The following RBFOX1 variants were observed in gnomAD, a reference collection of about 807,000 sequenced individuals.
RBFOX1 encodes RNA binding fox-1 homolog 1, also known as RNA binding protein fox-1 homolog 1.
RBFOX1 carries 8 observed loss-of-function variants against 57.7 expected under a neutral mutation model. The ratio of observed to expected loss-of-function variants is 0.14; its 90% confidence interval spans 0.08 to 0.25. The LOEUF (loss-of-function observed/expected upper bound fraction) is 0.25. RBFOX1 is among the 10% of genes least tolerant of loss of function. RBFOX1 has a pLI of 1.00. For missense variants in RBFOX1, 611 were observed against 548.5 expected, an observed-to-expected ratio of 1.11 and a Z score of -1.14; for synonymous variants, 326 against 222.4, an observed-to-expected ratio of 1.47 and a Z score of -4.15.
chr16:6,265,814 T>C (rs1475325498), intron 1 of RBFOX1, among the ~76,000 whole-genome samples: 2 of 152,164 alleles, frequency 1.3e-5, no homozygotes, highest in African/African-American at 2.4e-5. Context: ...CTGTCTCTCT[T>C]CCTTCTGCCC....
chr16:6,094,620 C>T (rs990477656), intron 1 of RBFOX1, among the ~76,000 whole-genome samples: 6 of 152,172 alleles, frequency 3.9e-5, no homozygotes, highest in African/African-American at 1.4e-4. Flanking sequence ...AATTCAGCTC[C>T]TTCTAGTTTT....
At chr16:6,903,537 T>C (rs1223471018) in intron 3 of RBFOX1, among the ~76,000 whole-genome samples, 1 of 152,310 alleles carries the variant, frequency 6.6e-6, no homozygotes, top group East Asian at 1.9e-4. Context: ...TTCAATAGGA[T>C]GTGAGCTCGG....
intron 4 of RBFOX1, among the ~76,000 whole-genome samples, chr16:7,466,092 C>T (rs563483577): frequency 9.9e-5 from 15 of 152,186 alleles, no homozygotes; most frequent in South Asian, 2.1e-4. Flanking sequence ...ATTAGCTAGC[C>T]CTGGGGCACA....
At chr16:5,444,094 G>GATGTTAATA (rs369069952) in intron 1 of RBFOX1, among the ~76,000 whole-genome samples, 29 of 151,726 alleles carry the variant, frequency 1.9e-4, no homozygotes, top group African/African-American at 5.6e-4. Context: ...TATTGGCAAA[G>GATGTTAATA]GTGACACTGA....
chr16:5,874,314 A>G (rs1019465870), intron 4 of RBFOX1, among the ~76,000 whole-genome samples: 2 of 152,170 alleles, frequency 1.3e-5, no homozygotes, highest in Admixed American at 6.5e-5. Context: ...TTGGGAAGGA[A>G]TTTGGAAGAT....
chr16:7,504,725 A>T (rs544879145), intron 4 of RBFOX1, among the ~76,000 whole-genome samples: 209 of 6,050 alleles, frequency 0.035, 5 homozygotes, highest in Middle Eastern at 0.083. Context: ...ATATATATAT[A>T]TATATATATA....
At chr16:5,882,422 C>T (rs1207042500) in intron 4 of RBFOX1, among the ~76,000 whole-genome samples, 1 of 152,178 alleles carries the variant, frequency 6.6e-6, no homozygotes, top group Admixed American at 6.5e-5. Context: ...TTGCCCCCCT[C>T]CCATTGGCCA....
chr16:5,289,558 A>G (rs765179119), intron 1 of RBFOX1: 7 of 180,594 alleles, frequency 3.9e-5, no homozygotes, highest in African/African-American at 9.5e-5. Flanking sequence ...TATTATTCCA[A>G]TTACCTTCAC....
At chr16:5,467,281 G>A (rs192714358) in intron 2 of RBFOX1, 3 of 1,470,464 alleles carry the variant, frequency 2.0e-6, no homozygotes, top group Non-Finnish European at 2.8e-6. Context: ...TCCTGACTTA[G>A]GATGTCTGTG....
At chr16:5,704,636 A>T (rs944661134) in intron 3 of RBFOX1, among the ~76,000 whole-genome samples, 1 of 152,170 alleles carries the variant, frequency 6.6e-6, no homozygotes, top group African/African-American at 2.4e-5. Context: ...CCGGATCTCA[A>T]GTTGAGTGGA....
chr16:5,790,874 G>GT (rs199561677), intron 3 of RBFOX1, among the ~76,000 whole-genome samples: 408 of 137,730 alleles, frequency 3.0e-3, no homozygotes, highest in African/African-American at 6.4e-3. Context: ...TTTTTTTTTT[G>GT]TTTTTTTTTT....
chr16:5,794,072 G>A (rs569476047), intron 3 of RBFOX1, among the ~76,000 whole-genome samples: 4 of 152,290 alleles, frequency 2.6e-5, no homozygotes, highest in African/African-American at 9.6e-5. Flanking sequence ...AGCATTTGGA[G>A]CCTCGACCTT....
chr16:5,394,854 T>G (rs1352719828), intron 1 of RBFOX1, among the ~76,000 whole-genome samples: 1 of 152,016 alleles, frequency 6.6e-6, no homozygotes, highest in Non-Finnish European at 1.5e-5. Context: ...CTGGCCTGTC[T>G]TTTTTTTCCT....
At chr16:6,612,038 A>G (rs961408541) in intron 2 of RBFOX1, among the ~76,000 whole-genome samples, 21 of 152,136 alleles carry the variant, frequency 1.4e-4, no homozygotes, top group Non-Finnish European at 2.5e-4. Flanking sequence ...AAAGTCCCGG[A>G]ATAGTTCCTG....
chr16:5,814,915 G>A (rs888666585), intron 3 of RBFOX1, among the ~76,000 whole-genome samples: 42 of 151,650 alleles, frequency 2.8e-4, no homozygotes, highest in Middle Eastern at 3.4e-3. Context: ...CGGCCTGGGC[G>A]ACAGAGCGAG....
chr16:7,630,767 C>G (rs969899920), intron 11 of RBFOX1, 84 bp downstream of exon 11: 7 of 1,566,668 alleles, frequency 4.5e-6, no homozygotes, highest in Admixed American at 1.9e-5. Flanking sequence ...TTCTCTCCCC[C>G]TCCCTCTGCC....
chr16:6,928,890 T>C (rs1042072467), intron 3 of RBFOX1, among the ~76,000 whole-genome samples: 1 of 152,054 alleles, frequency 6.6e-6, no homozygotes, highest in African/African-American at 2.4e-5. Flanking sequence ...AACTTAGAAA[T>C]GGAGCCCAGT....
At chr16:5,425,065 T>TTATTTATTTATA (rs1555514962) in intron 1 of RBFOX1, among the ~76,000 whole-genome samples, 1 of 68,588 alleles carries the variant, frequency 1.5e-5, no homozygotes. Context: ...CCTTCCTTTC[T>TTATTTATTTATA]TATCTATCTA....
chr16:6,350,388 C>A (rs889820636), intron 2 of RBFOX1, among the ~76,000 whole-genome samples: 3 of 136,232 alleles, frequency 2.2e-5, no homozygotes, highest in Non-Finnish European at 4.6e-5. Flanking sequence ...TTGCTGTGAG[C>A]CGAGATCGCA....
Sources: gnomAD v4.1 joint callset for allele counts (sites outside exome capture counted in the v4.1 genomes callset) on GRCh38, gnomAD v4.1.1 for gene constraint, MANE v1.5 for transcripts, NCBI Gene and HGNC (gene_info 2026-07-23, HGNC 2026-07-21) for gene names.